Variants in TAF15 observed in about 807,000 individuals in gnomAD.
The protein encoded by TAF15 is TATA-box binding protein associated factor 15.
Under a neutral mutation model 102.5 loss-of-function variants are expected in TAF15, and 37 were observed. The observed-to-expected ratio is 0.36, with a 90% CI of 0.28 to 0.47. The LOEUF is 0.47. TAF15 is among the 20% of genes least tolerant of loss of function. The pLI is 0.99. For synonymous variants in TAF15, 273 were observed against 259.2 expected, an observed-to-expected ratio of 1.05 and a Z score of -0.51; for missense variants, 652 against 760.7, an observed-to-expected ratio of 0.86 and a Z score of 1.68.
At chr17:35,815,311 A>T (rs1306387863) in intron 1 of TAF15, among the ~76,000 whole-genome samples, 1 of 152,248 alleles carries the variant, frequency 6.6e-6, no homozygotes, top group Non-Finnish European at 1.5e-5. Flanking sequence ...CACAATGAAC[A>T]GTTGTTTAGG....
intron 7 of TAF15, among the ~76,000 whole-genome samples, chr17:35,824,812 C>T (rs1365938553): frequency 6.6e-6 from 1 of 151,934 alleles, no homozygotes; most frequent in Non-Finnish European, 1.5e-5. Context: ...CTTTTCTTTT[C>T]TCCATGCTAG....
At chr17:35,816,042 G>A (rs1598518692) in intron 1 of TAF15, among the ~76,000 whole-genome samples, 3 of 152,152 alleles carry the variant, frequency 2.0e-5, no homozygotes, top group Non-Finnish European at 4.4e-5. Context: ...ACCCACTGCA[G>A]CCTCGACCTC....
chr17:35,831,059 A>G lies in TAF15; in HGVS notation c.606-2848A>G, dbSNP rs534743215. On this transcript the variant is annotated intron_variant, in intron 7 of 15. Transcript: ENST00000605844. ...CTATGGTATTTCCAAATTTATGGCC[A>G]TGTGTTGAAATCTTCAGCTGCTTTA... 6.6e-5 allele frequency among the ~76,000 whole-genome samples: 10 copies of G among 152,198 alleles called. No individual in the cohort carries two copies. The South Asian group carries it at 1.9e-3, about 28-fold the overall frequency.
Position 35,823,495 on chromosome 17 carries a change from C to T in TAF15, c.485-583C>T, listed in dbSNP as rs192339063. On this transcript the variant is annotated intron_variant, in intron 6 of 15. Transcript: ENST00000605844. ...TGGGCAGATCACGAGGTCAGGAGAT[C>T]GAGACCATCCTGGCTAACATGGTGA... is the stretch of plus-strand genomic sequence containing the variant. 340 of 165,378 alleles carry T rather than the reference C, an allele frequency of 2.1e-3. 1 individual carries two copies. The highest frequency in any genetic ancestry group is 7.1e-3 in the African/African-American group (292 of 41,384). The allele number at this position is 165,378 out of a possible 1,614,324, so 10.2% of individuals were successfully genotyped here.
In TAF15 at chr17:35,842,351, A is replaced by G. The variant is rs746847650; in HGVS notation, c.914-16A>G. On this transcript the variant is annotated splice_polypyrimidine_tract_variant and intron_variant, in intron 11 of 15. Coordinates refer to ENST00000605844, the MANE Select transcript of TAF15 (RefSeq NM_139215.3). ...ATAGAGTAGCATTGCTTCAAAGCTG[A>G]TTTCTTTTTTCTTAGGAAAAGAATT... The G allele has an allele frequency of 2.5e-6, 4 of 1,604,956 alleles. No homozygotes were observed. Among genetic ancestry groups the G allele is most frequent in the East Asian group, 2.2e-5 (1 of 44,850 alleles).
At chr17:35,843,820 G>A (rs974365202) in intron 12 of TAF15, among the ~76,000 whole-genome samples, 1 of 152,150 alleles carries the variant, frequency 6.6e-6, no homozygotes, top group East Asian at 1.9e-4. Context: ...TACTCAACCT[G>A]TATTACAGAA....
At chr17:35,811,911 TAAGA>T (rs1479638652) in intron 1 of TAF15, among the ~76,000 whole-genome samples, 2 of 152,038 alleles carry the variant, frequency 1.3e-5, no homozygotes, top group African/African-American at 2.4e-5. Flanking sequence ...ATGGAAAAAC[TAAGA>T]AAGGACAAAC....
intron 7 of TAF15, chr17:35,830,249 T>C (rs1243627039): frequency 6.6e-6 from 1 of 151,956 alleles, no homozygotes; most frequent in Non-Finnish European, 1.5e-5. Context: ...CAGGAGTTCG[T>C]GACCAGACTA....
chr17:35,834,959 T>C (rs1237710453), intron 9 of TAF15, among the ~76,000 whole-genome samples: 4 of 151,974 alleles, frequency 2.6e-5, no homozygotes, highest in African/African-American at 9.7e-5. Flanking sequence ...CTGGCCAGGC[T>C]GGTCTTGAAC....
At chr17:35,845,709 C>T (rs2087616257) in intron 15 of TAF15, among the ~76,000 whole-genome samples, 1 of 152,156 alleles carries the variant, frequency 6.6e-6, no homozygotes, top group South Asian at 2.1e-4. Flanking sequence ...CGGGGTTTCA[C>T]CATGTTAGAC....
chr17:35,812,955 C>G (rs2087143626), intron 1 of TAF15, among the ~76,000 whole-genome samples: 1 of 151,682 alleles, frequency 6.6e-6, no homozygotes, highest in Non-Finnish European at 1.5e-5. Flanking sequence ...TGGCGAAACC[C>G]CATCTCTACT....
chr17:35,810,985 A>G (rs1198385718), intron 1 of TAF15: 1 of 152,248 alleles, frequency 6.6e-6, no homozygotes, highest in Non-Finnish European at 1.5e-5. Context: ...ACATTGGTAC[A>G]TCTTTTTCTA....
chr17:35,832,563 A>G (rs373655321), intron 7 of TAF15, among the ~76,000 whole-genome samples: 1 of 148,614 alleles, frequency 6.7e-6, no homozygotes, highest in Admixed American at 6.7e-5. Context: ...CCCACCCCCC[A>G]TAAGATTGGT....
intron 1 of TAF15, chr17:35,817,397 C>A: frequency 3.2e-6 from 1 of 315,014 alleles, no homozygotes; most frequent in African/African-American, 2.2e-5. Context: ...TTAGTTTTAA[C>A]AGATGTCTTT....
At chr17:35,846,800 GA>G in intron 15 of TAF15, 105 bp from the exon 16 acceptor site, 1 of 1,182,002 alleles carries the variant, frequency 8.5e-7, no homozygotes, top group Non-Finnish European at 1.3e-6. Context: ...TCATTCTTTA[GA>G]AATTGTCTAG....
chr17:35,809,864 G>A lies in TAF15; in HGVS notation c.7+288G>A, dbSNP rs117281993. On this transcript the variant is annotated intron_variant, in intron 1 of 15. Transcript: ENST00000605844. ...CCGGGGGAGGGTGTGTGTGAGTCGG[G>A]GGGCGGAGGCCGTCTACGCCATCGT... The A allele has an allele frequency of 0.028, 16,049 of 582,732 alleles. 458 individuals carry two copies. The highest frequency in any genetic ancestry group is 0.13 in the East Asian group (4,580 of 35,032). 36.1% of individuals were successfully genotyped at this position (582,732 alleles called of 1,614,324 possible).
chr17:35,824,244 T>C, intron 7 of TAF15, 46 bp downstream of exon 7: 1 of 1,587,910 alleles, frequency 6.3e-7, no homozygotes, highest in East Asian at 2.2e-5. Flanking sequence ...TCTTCCTCTT[T>C]TTTTTTTTTT....
intron 9 of TAF15, 63 bp downstream of exon 9, chr17:35,834,661 A>G: frequency 1.3e-6 from 2 of 1,532,578 alleles, no homozygotes; most frequent in Admixed American, 1.7e-5. Context: ...TTTTGATGGG[A>G]AAAGTGTGTG....
chr17:35,827,367 G>A (rs890961775), intron 7 of TAF15, among the ~76,000 whole-genome samples: 3 of 151,816 alleles, frequency 2.0e-5, no homozygotes, highest in Non-Finnish European at 2.9e-5. Context: ...TCTTTTGGGG[G>A]CTGTTTGAAG....
Sources: allele counts gnomAD v4.1 joint callset (sites outside exome capture counted in the v4.1 genomes callset), GRCh38; gene constraint gnomAD v4.1.1; transcripts MANE v1.5; gene names NCBI Gene and HGNC (gene_info 2026-07-23, HGNC 2026-07-21).